Variants in DLC1 observed in about 807,000 individuals in gnomAD.
DLC1 encodes rho GTPase-activating protein 7.
A neutral mutation model predicts 140.3 loss-of-function variants in DLC1; 54 were observed. That is an observed-to-expected ratio of 0.38 (90% CI 0.31 to 0.48). The LOEUF is 0.48. Ranked by LOEUF, DLC1 falls within the 20% of genes least tolerant of loss-of-function variation. The pLI is 0.96. For missense variants in DLC1, 2,536 were observed against 1,907.0 expected (o/e 1.33, Z -6.14); for synonymous variants, 986 against 728.1 (o/e 1.35, Z -5.70).
rs201727758 is a variant in DLC1 at position 13,115,639 on chromosome 8, G to A, written c.1367C>T (p.Ala456Val). The A allele has an allele frequency of 1.2e-6, 2 of 1,613,998 alleles. No homozygotes were observed. Among genetic ancestry groups the A allele is most frequent in the East Asian group, 2.2e-5 (1 of 44,866 alleles). Residue 456 changes from alanine (A) to valine (V), a missense_variant, in exon 6 of 18, where the codon GCT (alanine) becomes GTT (valine). Ala to Val is a moderately conservative substitution (Grantham distance 64). Coordinates refer to ENST00000276297, the MANE Select transcript of DLC1 (RefSeq NM_182643.3). Reference protein sequence around the residue: ...KEKAEIEAKEACDWLRATGFP... With the variant: ...KEKAEIEAKEVCDWLRATGFP... ...ACCAGTTGCCCGTAGCCAATCACAA[G>A]CTTCCTTGGCTTCAATTTCTAGAAC...
intron 2 of DLC1, among the ~76,000 whole-genome samples, chr8:13,445,438 A>G (rs1798733327): frequency 6.6e-6 from 1 of 152,216 alleles, no homozygotes; most frequent in African/African-American, 2.4e-5. Flanking sequence ...AGGGCTTATA[A>G]GTCAGAGAAT....
At chr8:13,341,377 A>AGTT (rs1251249667) in intron 4 of DLC1, 3 of 152,168 alleles carry the variant, frequency 2.0e-5, no homozygotes, top group African/African-American at 7.2e-5. Flanking sequence ...AGCTTCGAGC[A>AGTT]GTTCTTGAAC....
At chr8:13,436,295 A>G (rs1839119722) in intron 2 of DLC1, among the ~76,000 whole-genome samples, 1 of 152,220 alleles carries the variant, frequency 6.6e-6, no homozygotes. Context: ...TTGGTAAAAG[A>G]GACTAATTCT....
chr8:13,185,722 A>T (rs2116998651), intron 5 of DLC1, among the ~76,000 whole-genome samples: 1 of 152,274 alleles, frequency 6.6e-6, no homozygotes, highest in East Asian at 1.9e-4. Flanking sequence ...CCATTAATTA[A>T]TGTAGTTTCT....
chr8:13,248,812 T>C (rs1829875450), intron 5 of DLC1, among the ~76,000 whole-genome samples: 1 of 152,156 alleles, frequency 6.6e-6, no homozygotes, highest in Admixed American at 6.5e-5. Flanking sequence ...CTTCTCAATA[T>C]CTTCAACCAG....
At chr8:13,294,249 G>C (rs1831865857) in intron 5 of DLC1, among the ~76,000 whole-genome samples, 1 of 152,136 alleles carries the variant, frequency 6.6e-6, no homozygotes, top group Admixed American at 6.5e-5. Flanking sequence ...TAAAACTGAA[G>C]CCTAATTATT....
intron 2 of DLC1, among the ~76,000 whole-genome samples, chr8:13,411,615 A>G (rs1029342222): frequency 1.3e-4 from 20 of 152,300 alleles, no homozygotes; most frequent in Admixed American, 1.0e-3. Context: ...CTGGATGTTG[A>G]TGGTGGCTAT....
chr8:13,579,405 ATATAT>A lies in DLC1; in HGVS notation c.-126+25127_-126+25131del, dbSNP rs1253260519. Among the ~76,000 whole-genome samples, 12 of 62,714 alleles carry A rather than the reference ATATAT, an allele frequency of 1.9e-4. 4 individuals are homozygous for A. Among genetic ancestry groups the A allele is most frequent in the Non-Finnish European group, 3.6e-4 (12 of 33,580 alleles). The allele number at this position is 62,714 out of a possible 152,430, so 41.1% of individuals were successfully genotyped here. A position where few individuals can be genotyped will look rare whatever the true frequency, so the allele number is the denominator to read the frequency against. On this transcript the variant is annotated intron_variant, in intron 1 of 1. Transcript: ENST00000631382. The stretch of plus-strand genomic sequence containing the variant: ...TTATATATTATATATTATATATTTA[ATATAT>A]TATATTTTATATTATATATTTAATA...
At chr8:13,233,906 C>T (rs1829165025) in intron 5 of DLC1, among the ~76,000 whole-genome samples, 1 of 152,162 alleles carries the variant, frequency 6.6e-6, no homozygotes, top group Admixed American at 6.6e-5. Flanking sequence ...TATCGTCTCT[C>T]TGTGTTTCTC....
intron 5 of DLC1, among the ~76,000 whole-genome samples, chr8:13,176,110 T>C (rs958374326): frequency 6.6e-6 from 1 of 152,200 alleles, no homozygotes; most frequent in Non-Finnish European, 1.5e-5. Context: ...AAACTTCTTT[T>C]TTTATTTCAG....
At chr8:13,344,898 C>T (rs1422402692) in intron 4 of DLC1, among the ~76,000 whole-genome samples, 1 of 152,032 alleles carries the variant, frequency 6.6e-6, no homozygotes, top group African/African-American at 2.4e-5. Flanking sequence ...ACACTTTTAA[C>T]CTAATAAGTT....
At chr8:13,116,342 G>A in intron 5 of DLC1, 1 of 568,982 alleles carries the variant, frequency 1.8e-6, no homozygotes, top group South Asian at 7.8e-5. Context: ...GAAAGGCCAA[G>A]AGCAACTGAC....
At chr8:13,514,130 C>T (rs908319192) in intron 1 of DLC1, among the ~76,000 whole-genome samples, 2 of 151,512 alleles carry the variant, frequency 1.3e-5, no homozygotes, top group Non-Finnish European at 2.9e-5. Flanking sequence ...ATTCAATCTT[C>T]GTAGTTTTAA....
intron 1 of DLC1, among the ~76,000 whole-genome samples, chr8:13,533,556 C>A (rs1320053841): frequency 3.3e-5 from 5 of 152,126 alleles, no homozygotes; most frequent in Non-Finnish European, 7.4e-5. Context: ...ACAATGTTAG[C>A]TCAATTTTTC....
chr8:13,429,941 C>G (rs1293510084), intron 2 of DLC1, among the ~76,000 whole-genome samples: 1 of 152,134 alleles, frequency 6.6e-6, no homozygotes, highest in Non-Finnish European at 1.5e-5. Flanking sequence ...TATTTAAATG[C>G]TATCTGATAT....
chr8:13,426,558 C>T (rs1838590766), intron 2 of DLC1, among the ~76,000 whole-genome samples: 1 of 152,136 alleles, frequency 6.6e-6, no homozygotes, highest in Non-Finnish European at 1.5e-5. Flanking sequence ...CACCCTGTGC[C>T]ATCTTTTCTC....
chr8:13,468,325 TTCCCTTCCCCCCATTCCCC>T (rs1172507461), intron 2 of DLC1, among the ~76,000 whole-genome samples: 3 of 111,628 alleles, frequency 2.7e-5, no homozygotes, highest in Non-Finnish European at 4.1e-5. Flanking sequence ...TTCTCTCTCT[TTCCCTTCCCCCCATTCCCC>T]TCCCCTCCCC....
chr8:13,602,538 A>G (rs994117977), intron 1 of DLC1, among the ~76,000 whole-genome samples: 1 of 151,898 alleles, frequency 6.6e-6, no homozygotes, highest in African/African-American at 2.4e-5. Context: ...GGTTTACATC[A>G]AAATACATGG....
chr8:13,203,691 A>G (rs1481072434), intron 5 of DLC1, among the ~76,000 whole-genome samples: 1 of 152,000 alleles, frequency 6.6e-6, no homozygotes, highest in Non-Finnish European at 1.5e-5. Flanking sequence ...ATAGGCTTTT[A>G]CTTTTTAAGG....
Sources: gnomAD v4.1 joint callset for allele counts (sites outside exome capture counted in the v4.1 genomes callset) on GRCh38, gnomAD v4.1.1 for gene constraint, MANE v1.5 for transcripts, NCBI Gene and HGNC (gene_info 2026-07-23, HGNC 2026-07-21) for gene names.